Variants in FHOD3 observed in about 807,000 individuals in gnomAD.
The protein encoded by FHOD3 is formin homology 2 domain containing 3, also known as FH1/FH2 domain-containing protein 3.
Under a neutral mutation model 173.0 loss-of-function variants are expected in FHOD3, and 90 were observed. The ratio of observed to expected loss-of-function variants is 0.52; its 90% CI spans 0.44 to 0.62. The LOEUF (loss-of-function observed/expected upper bound fraction) is 0.62. Among genes scored for constraint, FHOD3 ranks in the 20% least tolerant of loss-of-function variants. The pLI is 0.00. For missense variants in FHOD3, 1,945 were observed against 2,034.7 expected (o/e 0.96, Z 0.85); for synonymous variants, 828 against 823.0 (o/e 1.01, Z -0.10).
intron 24 of FHOD3, among the ~76,000 whole-genome samples, chr18:36,749,555 A>G (rs762030585): frequency 3.3e-5 from 5 of 152,234 alleles, no homozygotes; most frequent in Non-Finnish European, 5.9e-5. Context: ...TATATGTACC[A>G]CATTTTTTTA....
chr18:36,540,306 A>ATGAC (rs2057157060), intron 5 of FHOD3, among the ~76,000 whole-genome samples: 1 of 152,214 alleles, frequency 6.6e-6, no homozygotes, highest in East Asian at 1.9e-4. Flanking sequence ...TCTTTTTGGA[A>ATGAC]TGACTCTCAG....
At chr18:36,466,707 A>G (rs2052961317) in intron 3 of FHOD3, among the ~76,000 whole-genome samples, 1 of 152,186 alleles carries the variant, frequency 6.6e-6, no homozygotes, top group African/African-American at 2.4e-5. Context: ...GAAATTTAGA[A>G]TAAGAATGGT....
chr18:36,613,056 T>C (rs934525236), intron 9 of FHOD3, among the ~76,000 whole-genome samples: 1 of 152,224 alleles, frequency 6.6e-6, no homozygotes, highest in Non-Finnish European at 1.5e-5. Context: ...GCTCCATGGG[T>C]TGTCTTCTGT....
At chr18:36,638,254 C>T (rs987251455) in intron 10 of FHOD3, among the ~76,000 whole-genome samples, 1 of 152,150 alleles carries the variant, frequency 6.6e-6, no homozygotes, top group African/African-American at 2.4e-5. Flanking sequence ...AAGAGCTCCC[C>T]AGGCCAAGGG....
At chr18:36,725,315 G>A (rs1306119480) in intron 19 of FHOD3, among the ~76,000 whole-genome samples, 1 of 152,224 alleles carries the variant, frequency 6.6e-6, no homozygotes, top group African/African-American at 2.4e-5. Flanking sequence ...CCCTCCAGAG[G>A]TATGCATTTT....
intron 1 of FHOD3, among the ~76,000 whole-genome samples, chr18:36,336,928 T>G (rs2045348571): frequency 6.6e-6 from 1 of 151,314 alleles, no homozygotes; most frequent in African/African-American, 2.4e-5. Context: ...TCCCAGCACT[T>G]TGGGAGGCCA....
chr18:36,712,510 G>A (rs1392900928), intron 18 of FHOD3, among the ~76,000 whole-genome samples: 1 of 151,992 alleles, frequency 6.6e-6, no homozygotes, highest in Non-Finnish European at 1.5e-5. Context: ...ATAGTAGATT[G>A]GAGACAACAA....
At chr18:36,456,400 G>T in intron 3 of FHOD3, among the ~76,000 whole-genome samples, 1 of 152,084 alleles carries the variant, frequency 6.6e-6, no homozygotes, top group South Asian at 2.1e-4. Context: ...TATGCTGATG[G>T]TTTTTCTTAT....
intron 1 of FHOD3, among the ~76,000 whole-genome samples, chr18:36,314,342 AC>A (rs1348975364): frequency 6.6e-6 from 1 of 152,230 alleles, no homozygotes; most frequent in Non-Finnish European, 1.5e-5. Context: ...CCCATGGGAT[AC>A]AAATCACCAG....
chr18:36,333,726 C>T (rs908357807), intron 1 of FHOD3, among the ~76,000 whole-genome samples: 1 of 152,198 alleles, frequency 6.6e-6, no homozygotes, highest in Non-Finnish European at 1.5e-5. Flanking sequence ...ACCCCACCGC[C>T]ACCCCTCCTA....
At chr18:36,465,170 A>G (rs2052834950) in intron 3 of FHOD3, among the ~76,000 whole-genome samples, 1 of 152,092 alleles carries the variant, frequency 6.6e-6, no homozygotes, top group Non-Finnish European at 1.5e-5. Flanking sequence ...TCTACTAAAA[A>G]TACAAAAATT....
chr18:36,569,281 GA>G (rs1180838751), intron 5 of FHOD3, among the ~76,000 whole-genome samples: 1 of 151,860 alleles, frequency 6.6e-6, no homozygotes, highest in Non-Finnish European at 1.5e-5. Flanking sequence ...GGATGCAGGA[GA>G]AAAAAACATG....
In FHOD3 at chr18:36,779,571, A is replaced by C; in HGVS notation, c.*41A>C. On this transcript the variant is annotated 3_prime_UTR_variant, in exon 29 of 29. Coordinates refer to ENST00000590592, the MANE Select transcript of FHOD3 (RefSeq NM_001281740.3). ...CCCAGGAGTGTGCTGAGCAGAAGGC[A>C]AGCTCTTGCTGGATGAAACCCCTCC... is the stretch of plus-strand genomic sequence containing the variant. 2.5e-6 allele frequency: 4 copies of C among 1,588,074 alleles called. No individual in the cohort carries two copies. In the South Asian group the frequency reaches 4.4e-5, roughly 18 times the overall value.
intron 3 of FHOD3, among the ~76,000 whole-genome samples, chr18:36,465,272 G>A (rs144195912): frequency 5.6e-4 from 85 of 152,312 alleles, no homozygotes; most frequent in African/African-American, 1.7e-3. Flanking sequence ...AAGTTGCAGT[G>A]AGCTGAGATC....
chr18:36,370,676 CATCT>C (rs1400719180), intron 2 of FHOD3, among the ~76,000 whole-genome samples: 1 of 152,192 alleles, frequency 6.6e-6, no homozygotes, highest in African/African-American at 2.4e-5. Flanking sequence ...TCTCTCTGGG[CATCT>C]ATAGCATGTT....
At chr18:36,497,332 G>T (rs1041428253) in intron 3 of FHOD3, among the ~76,000 whole-genome samples, 13 of 152,206 alleles carry the variant, frequency 8.5e-5, no homozygotes, top group Admixed American at 5.9e-4. Flanking sequence ...GTTTATCAAA[G>T]AGTTTGAGAT....
At chr18:36,425,349 C>T (rs2147146366) in intron 3 of FHOD3, among the ~76,000 whole-genome samples, 1 of 152,138 alleles carries the variant, frequency 6.6e-6, no homozygotes, top group South Asian at 2.1e-4. Flanking sequence ...TAAAGAGGGA[C>T]CGCTATATTA....
chr18:36,334,858 G>C (rs1335231974), intron 1 of FHOD3, among the ~76,000 whole-genome samples: 1 of 151,976 alleles, frequency 6.6e-6, no homozygotes, highest in African/African-American at 2.4e-5. Context: ...CGTCCTGTCT[G>C]CCCCTCTGGC....
chr18:36,695,685 G>A (rs1022347348), intron 17 of FHOD3, among the ~76,000 whole-genome samples: 1 of 152,204 alleles, frequency 6.6e-6, no homozygotes, highest in Non-Finnish European at 1.5e-5. Flanking sequence ...CATCGCAAGT[G>A]TATGAAAAGA....
Sources: gnomAD v4.1 joint callset for allele counts (sites outside exome capture counted in the v4.1 genomes callset) on GRCh38, gnomAD v4.1.1 for gene constraint, MANE v1.5 for transcripts, NCBI Gene and HGNC (gene_info 2026-07-23, HGNC 2026-07-21) for gene names.